The following BCL2L13 variants were observed in gnomAD, a reference collection of about 807,000 sequenced individuals.
BCL2L13 encodes bcl-2-like protein 13.
In BCL2L13, 13 loss-of-function variants were observed where a neutral mutation model predicts 25.8. The ratio of observed to expected loss-of-function variants is 0.50; its 90% CI spans 0.33 to 0.80. The LOEUF is 0.80. Ranked by LOEUF, BCL2L13 falls within the 30% of genes least tolerant of loss-of-function variation. The pLI, the probability that BCL2L13 is intolerant of heterozygous loss-of-function variation, is 0.02. For missense variants in BCL2L13, 504 were observed against 574.9 expected (o/e 0.88, Z 1.26); for synonymous variants, 244 against 230.3 (o/e 1.06, Z -0.54).
rs374370106 is a variant in BCL2L13, at chr22:17,657,582, G to A, written c.121+1750G>A. The stretch of plus-strand genomic sequence containing the variant: ...GGCTAGAGTGCAGCGGCACGATCTC[G>A]GCTACTGCAACCTCCGCCTCCTGGG... On this transcript the variant is annotated intron_variant, in intron 2 of 6. Transcript: ENST00000317582. Among the ~76,000 whole-genome samples, 45 of 151,460 alleles carry A rather than the reference G, an allele frequency of 3.0e-4. No homozygotes were observed. The South Asian group carries it at 9.4e-3, about 32-fold the overall frequency.
intron 6 of BCL2L13, among the ~76,000 whole-genome samples, chr22:17,705,139 G>A (rs2145725597): frequency 6.6e-6 from 1 of 151,766 alleles, no homozygotes; most frequent in South Asian, 2.1e-4. Context: ...TGGGTGTGGT[G>A]GCAGGCACCT....
chr22:17,635,715 CTT>C (rs1299003270), upstream of BCL2L13, among the ~76,000 whole-genome samples: 1 of 144,368 alleles, frequency 6.9e-6, no homozygotes. Context: ...CAAAAACAAT[CTT>C]TTTTTTTTTT....
At chr22:17,689,990 C>A (rs2060058843) in intron 4 of BCL2L13, among the ~76,000 whole-genome samples, 1 of 151,960 alleles carries the variant, frequency 6.6e-6, no homozygotes, top group Admixed American at 6.6e-5. Flanking sequence ...CATATTAAAG[C>A]TAAAGGCAAG....
At chr22:17,668,745 G>T (rs180956785) in intron 2 of BCL2L13, among the ~76,000 whole-genome samples, 1 of 152,176 alleles carries the variant, frequency 6.6e-6, no homozygotes, top group Non-Finnish European at 1.5e-5. Context: ...GATTACAGAC[G>T]TGAGCCACTG....
chr22:17,655,074 TTC>T (rs1480559998), intron 1 of BCL2L13, among the ~76,000 whole-genome samples: 1 of 152,008 alleles, frequency 6.6e-6, no homozygotes. Context: ...TCTTTTTTTT[TTC>T]CTTTTCCTTT....
Position 17,727,535 on chromosome 22 carries a change from G to T in BCL2L13, c.*1G>T. ...AGCCCTGGCTCTGAGAAAGAAATAG[G>T]AGGCTTTTCAGAAGAGAAAGACAGA... is the stretch of plus-strand genomic sequence containing the variant. On this transcript the variant is annotated 3_prime_UTR_variant, in exon 7 of 7. Coordinates refer to ENST00000317582, the MANE Select transcript of BCL2L13 (RefSeq NM_015367.4). The T allele has an allele frequency of 6.2e-7, 1 of 1,613,484 alleles. No homozygotes were observed. Among genetic ancestry groups the T allele is most frequent in the Non-Finnish European group, 8.5e-7 (1 of 1,179,546 alleles).
intron 2 of BCL2L13, among the ~76,000 whole-genome samples, chr22:17,659,056 T>TAAAA (rs752881083): frequency 2.1e-4 from 6 of 28,094 alleles, no homozygotes; most frequent in African/African-American, 3.2e-4. Flanking sequence ...AGACTCCATC[T>TAAAA]AAAAAAAAAA....
At chr22:17,710,761 C>T (rs913895875) in intron 6 of BCL2L13, among the ~76,000 whole-genome samples, 10 of 150,814 alleles carry the variant, frequency 6.6e-5, no homozygotes, top group African/African-American at 2.4e-4. Flanking sequence ...CCCATAGTTC[C>T]AGCTACTCGG....
chr22:17,679,521 T>C (rs1162346043), intron 2 of BCL2L13, among the ~76,000 whole-genome samples: 4 of 151,806 alleles, frequency 2.6e-5, no homozygotes, highest in Admixed American at 2.0e-4. Flanking sequence ...CCGCCCGCCT[T>C]GGCCTCCTGA....
chr22:17,651,537 G>A (rs1225063928), intron 1 of BCL2L13, among the ~76,000 whole-genome samples: 1 of 140,072 alleles, frequency 7.1e-6, no homozygotes, highest in East Asian at 2.3e-4. Context: ...GCCTGCCACT[G>A]TGCCCGGCTA....
At chr22:17,667,460 C>T (rs950744496) in intron 2 of BCL2L13, among the ~76,000 whole-genome samples, 14 of 151,500 alleles carry the variant, frequency 9.2e-5, no homozygotes, top group African/African-American at 2.7e-4. Flanking sequence ...CGTGAGCCAC[C>T]GCACTTGGCC....
chr22:17,693,368 G>GTGTT (rs1555888785), intron 4 of BCL2L13, among the ~76,000 whole-genome samples: 1 of 112,244 alleles, frequency 8.9e-6, no homozygotes, highest in African/African-American at 3.9e-5. Context: ...TTTATTTAGT[G>GTGTT]TTTGTTTTTT....
chr22:17,640,854 AAT>A (rs1221709135), intron 1 of BCL2L13, among the ~76,000 whole-genome samples: 1 of 150,838 alleles, frequency 6.6e-6, no homozygotes, highest in African/African-American at 2.4e-5. Flanking sequence ...TGACTCAAAA[AAT>A]ATATATATGT....
upstream of BCL2L13, chr22:17,637,982 T>A (rs1380528452): frequency 6.6e-6 from 1 of 152,210 alleles, no homozygotes; most frequent in African/African-American, 2.4e-5. Flanking sequence ...CAGGATTTTA[T>A]CACTTCTGAT....
intron 6 of BCL2L13, among the ~76,000 whole-genome samples, chr22:17,711,304 C>CTTTTTT (rs765639315): frequency 8.0e-6 from 1 of 125,388 alleles, no homozygotes; most frequent in Non-Finnish European, 1.7e-5. Flanking sequence ...CATGATGGGC[C>CTTTTTT]TTTTTTTTTT....
chr22:17,647,523 C>A (rs893575583), intron 1 of BCL2L13, among the ~76,000 whole-genome samples: 6 of 152,114 alleles, frequency 3.9e-5, no homozygotes, highest in African/African-American at 1.4e-4. Flanking sequence ...CCTTGTTTTG[C>A]TACCGTATCC....
chr22:17,677,749 G>A (rs1168706514), intron 2 of BCL2L13, among the ~76,000 whole-genome samples: 1 of 152,092 alleles, frequency 6.6e-6, no homozygotes, highest in Non-Finnish European at 1.5e-5. Context: ...GTGTGCACCT[G>A]TAGTTCTAGC....
At chr22:17,711,803 C>T (rs1459829482) in intron 6 of BCL2L13, among the ~76,000 whole-genome samples, 1 of 152,138 alleles carries the variant, frequency 6.6e-6, no homozygotes, top group African/African-American at 2.4e-5. Context: ...TCACTTGAGA[C>T]CTCTCTGATC....
At chr22:17,685,031 G>A (rs760332086) in intron 3 of BCL2L13, among the ~76,000 whole-genome samples, 5 of 151,698 alleles carry the variant, frequency 3.3e-5, no homozygotes, top group South Asian at 2.1e-4. Context: ...CACCACGCCC[G>A]GCCTGTAATT....
Sources: allele counts gnomAD v4.1 joint callset (sites outside exome capture counted in the v4.1 genomes callset), GRCh38; gene constraint gnomAD v4.1.1; transcripts MANE v1.5; gene names NCBI Gene and HGNC (gene_info 2026-07-23, HGNC 2026-07-21).